CLUH: variants seen among roughly 807,000 people sequenced by gnomAD.
CLUH encodes CLUH binding protein of NUMT mRNA.
Under a neutral mutation model 139.3 loss-of-function variants are expected in CLUH, and 77 were observed. That is an observed-to-expected ratio of 0.55 (90% confidence interval 0.46 to 0.67). The LOEUF (loss-of-function observed/expected upper bound fraction) is 0.67, where lower values mean the gene tolerates loss of function less well. CLUH is among the 30% of genes least tolerant of loss of function. The pLI, the probability that CLUH is intolerant of heterozygous loss-of-function variation, is 0.00. For synonymous variants in CLUH, 999 were observed against 801.6 expected, an observed-to-expected ratio of 1.25 and a Z score of -4.16; for missense variants, 1,876 against 1,875.8, an observed-to-expected ratio of 1.00 and a Z score of 0.00.
intron 16 of CLUH, 27 bp downstream of exon 16, chr17:2,694,825 CACCCA>C: frequency 7.0e-7 from 1 of 1,430,902 alleles, no homozygotes; most frequent in Non-Finnish European, 9.3e-7. Flanking sequence ...TGCCCAATCC[CACCCA>C]CCCCACCGCC....
intron 10 of CLUH, 33 bp from the exon 11 acceptor site, chr17:2,696,975 T>G: frequency 6.8e-7 from 1 of 1,475,900 alleles, no homozygotes. Context: ...GAGCAGGAGC[T>G]GGACATCGGG....
chr17:2,695,812 G>A (rs907605266), intron 13 of CLUH: 9 of 579,262 alleles, frequency 1.6e-5, no homozygotes, highest in Non-Finnish European at 2.4e-5. Flanking sequence ...TGGAGGCCAC[G>A]GTGTTGGGGG....
rs535870713 is a variant in CLUH, at chr17:2,707,172, C to G, written c.101-2608G>C. The G allele has an allele frequency of 2.0e-6, 2 of 985,410 alleles. No homozygotes were observed. The highest frequency in any genetic ancestry group is 3.5e-5 in the African/African-American group (2 of 57,372). The allele number at this position is 985,410 out of a possible 1,614,324, so 61.0% of individuals were successfully genotyped here. On this transcript the variant is annotated intron_variant, in intron 1 of 25. Transcript: ENST00000651024. The surrounding 1 kb of genome is among the most constrained non-coding windows in gnomAD (Gnocchi z 7.4). ...CTGGCTCACCAGGTCCCGGTGCTCA[C>G]CTGGTGCAGTTGGCAGCTGCCCTCC...
chr17:2,691,934 CCCGCGGCCCCGCCCCCGCCCCGCCA>C lies in CLUH; in HGVS notation c.3654+45_3655-40del, dbSNP rs1240483365. 4.4e-6 allele frequency: 5 copies of C among 1,127,824 alleles called. No individual in the cohort carries two copies. In the African/African-American group the frequency reaches 1.0e-4, roughly 22 times the overall value. 69.9% of individuals were successfully genotyped at this position (1,127,824 alleles called of 1,614,324 possible). ...GGAAGGGATCAGGCCCCCCCGTGCC[CCCGCGGCCCCGCCCCCGCCCCGCCA>C]CGCCCCCGCCCCGCCCCCGCCCCCG... On this transcript the variant is annotated intron_variant, in intron 23 of 25. Coordinates refer to ENST00000651024, the MANE Select transcript of CLUH (RefSeq NM_001366661.1).
Position 2,694,546 on chromosome 17 carries a change from A to G in CLUH, c.2871T>C (p.Ala957=). Reference sequence around the variant, plus strand: ...TCTTCTGCAGGCCGTAGGTCTCCACAGCCTGGTCCACGGTCTCACTGAGGA... The same window carrying G: ...TCTTCTGCAGGCCGTAGGTCTCCACGGCCTGGTCCACGGTCTCACTGAGGA... ...FDLECETVDQ[A]VETYGLQKIT... Residue 957 remains alanine (A), a synonymous_variant, in exon 17 of 26, where the codon GCT becomes GCC. Transcript: ENST00000651024. 6.3e-7 allele frequency: 1 copy of G among 1,579,602 alleles called. No homozygotes were observed. The highest frequency in any genetic ancestry group is 1.2e-5 in the South Asian group (1 of 85,830).
Position 2,695,457 on chromosome 17 carries a change from G to C in CLUH, c.2461C>G (p.Arg821Gly). ...GATLAEVMRQRGINMRYLGKV... is the reference protein window; with the variant it reads ...GATLAEVMRQGGINMRYLGKV... ...CCCAGGTAGCGCATGTTGATGCCCC[G>C]CTGGCGCATCACCTCTGCCAGCGTT... Residue 821 changes from arginine (R) to glycine (G), a missense_variant, in exon 14 of 26, where the codon CGG becomes GGG. Around this residue, in one of 3 missense-constraint regions of CLUH, gnomAD observed 1,454 missense variants for 1,384.4 expected, o/e 1.05. Coordinates refer to ENST00000651024, the MANE Select transcript of CLUH (RefSeq NM_001366661.1). 1 of 1,611,534 alleles carries C rather than the reference G, an allele frequency of 6.2e-7. No homozygotes were observed. The highest frequency in any genetic ancestry group is 8.5e-7 in the Non-Finnish European group (1 of 1,179,760).
chr17:2,702,820 C>CTTTTG (rs1434754766), intron 3 of CLUH, among the ~76,000 whole-genome samples: 1 of 151,098 alleles, frequency 6.6e-6, no homozygotes, highest in Non-Finnish European at 1.5e-5. Flanking sequence ...CGGCTCTGTT[C>CTTTTG]TTTTGTTTTG....
intron 23 of CLUH, 25 bp downstream of exon 23, chr17:2,691,979 C>CCCCCGCCCCCGCCCCCG (rs752951929): frequency 2.9e-6 from 2 of 683,228 alleles, no homozygotes; most frequent in East Asian, 1.8e-4. Flanking sequence ...CCCGCCCCCG[C>CCCCCGCCCCCGCCCCCG]CCCCGCCACG....
In CLUH at chr17:2,698,233, A is replaced by C; in HGVS notation, c.1624T>G (p.Ser542Ala). ...RDQEQSVIYG[S>A]IDFGKTVVSH... ...ACCACGGTCTTGCCGAAGTCGATGG[A>C]GCCGTAGATGACGCTCTGCTCCTGG... The change falls in exon 10 of 26, where the codon TCC (serine) becomes GCC (alanine). Residue 542 changes from serine to alanine, a missense_variant. This residue lies in a region of CLUH where 1,454 missense variants were observed against 1,384.4 expected (regional missense o/e 1.05). Coordinates refer to ENST00000651024, the MANE Select transcript of CLUH (RefSeq NM_001366661.1). 1 of 1,596,366 alleles carries C rather than the reference A, an allele frequency of 6.3e-7. No homozygotes were observed. The highest frequency in any genetic ancestry group is 8.5e-7 in the Non-Finnish European group (1 of 1,172,370).
At position 2,706,733 on chromosome 17, in the gene CLUH, C is replaced by A. The variant is rs1418911728; in HGVS notation, c.101-2169G>T. Among the ~76,000 whole-genome samples, 1 of 152,118 alleles carries A rather than the reference C, an allele frequency of 6.6e-6. No homozygotes were observed. The highest frequency in any genetic ancestry group is 1.5e-5 in the Non-Finnish European group (1 of 68,020). On this transcript the variant is annotated intron_variant, in intron 1 of 25. Coordinates refer to ENST00000651024, the MANE Select transcript of CLUH (RefSeq NM_001366661.1). This position sits in a 1 kb window ranked among gnomAD's most constrained non-coding sequence, Gnocchi z 4.6. ...GGCAGCCAGGTGGAGGAACTGCCCC[C>A]ACAGGGTCCCTGAGAAAGGCTGTGC...
At position 2,696,506 on chromosome 17, in the gene CLUH, CG is replaced by C; in HGVS notation, c.2217del (p.Asn739LysfsTer44). On this transcript the variant is annotated frameshift_variant, in exon 12 of 26. Transcript: ENST00000651024. LOFTEE classifies it high-confidence loss of function. The stretch of plus-strand genomic sequence containing the variant: ...CTGATGGAGCCGACCGCCTTGCACG[CG>C]TTGCGGATCACCTCCCGGCTCCGAG... Reference protein sequence around the residue: ...ADPRSREVIRNACKAVGSISS... With the variant: ...ADPRSREVIRXACKAVGSISS... 1 of 1,586,192 alleles carries C rather than the reference CG, an allele frequency of 6.3e-7. No homozygotes were observed. Among genetic ancestry groups the C allele is most frequent in the Non-Finnish European group, 8.6e-7 (1 of 1,169,064 alleles).
rs577208270 is a variant in CLUH at position 2,708,012 on chromosome 17, G to A, written c.101-3448C>T. On this transcript the variant is annotated intron_variant, in intron 1 of 25. Transcript: ENST00000651024. ...CCAGCAGCCCCGGCTCTGCCAGGAG[G>A]GAACCAAGTCTCTCCCAGGGGAGAA... 42 of 984,916 alleles carry A rather than the reference G, an allele frequency of 4.3e-5. No homozygotes were observed. In the African/African-American group the frequency reaches 6.8e-4, roughly 16 times the overall value. The allele number at this position is 984,916 out of a possible 1,614,324, so 61.0% of individuals were successfully genotyped here.
intron 1 of CLUH, chr17:2,708,041 A>AGCTGGCAGCAAGAGGCC: frequency 1.0e-6 from 1 of 980,200 alleles, no homozygotes; most frequent in Non-Finnish European, 1.2e-6. Context: ...GGGAGAACAG[A>AGCTGGCAGCAAGAGGCC]GCTGGCAGCA....
At chr17:2,705,917 C>T (rs1285470489) in intron 1 of CLUH, among the ~76,000 whole-genome samples, 1 of 152,144 alleles carries the variant, frequency 6.6e-6, no homozygotes, top group African/African-American at 2.4e-5. Flanking sequence ...TCTCAGTAAC[C>T]CTCCAGCAGA....
At position 2,696,705 on chromosome 17, in the gene CLUH, T is replaced by G; in HGVS notation, c.2185+14A>C. On this transcript the variant is annotated intron_variant, in intron 11 of 25. Transcript: ENST00000651024. ...CAGCCCGGGCTCTCTCCCGGCCATC[T>G]GCAGCAGCCCCACCTGTGCCGTCGT... is the stretch of plus-strand genomic sequence containing the variant. The G allele has an allele frequency of 6.2e-7, 1 of 1,610,812 alleles. No homozygotes were observed. The highest frequency in any genetic ancestry group is 8.5e-7 in the Non-Finnish European group (1 of 1,179,182).
chr17:2,700,590 C>T, intron 8 of CLUH, 88 bp downstream of exon 8: 1 of 1,533,194 alleles, frequency 6.5e-7, no homozygotes, highest in Non-Finnish European at 8.8e-7. Context: ...TGAAGTCAAG[C>T]ATGGGGCCTC....
Position 2,690,441 on chromosome 17 carries a change from G to GCAGT in CLUH, c.*152_*153insACTG. ...AAAACACCTTCTGCGGGGCAGGCAGGCCAGGCTCCCAGGAGGACACGGGGG... is the reference window on the plus strand; with the variant it reads ...AAAACACCTTCTGCGGGGCAGGCAGGCAGTCCAGGCTCCCAGGAGGACACGGGGG... On this transcript the variant is annotated 3_prime_UTR_variant, in exon 26 of 26. Transcript: ENST00000651024. 1 of 598,812 alleles carries GCAGT rather than the reference G, an allele frequency of 1.7e-6. No homozygotes were observed. The allele number at this position is 598,812 out of a possible 1,614,324, so 37.1% of individuals were successfully genotyped here. A position where few individuals can be genotyped will look rare whatever the true frequency, so the allele number is the denominator to read the frequency against.
intron 15 of CLUH, 58 bp from the exon 16 acceptor site, chr17:2,695,159 C>G: frequency 1.2e-6 from 2 of 1,613,544 alleles, no homozygotes; most frequent in South Asian, 1.1e-5. Context: ...CAGGCTCTTT[C>G]CCGACGCCCC....
rs2069546190 is a variant in CLUH at position 2,689,686 on chromosome 17, AC to A, written c.*907del. 1 of 152,680 alleles carries A rather than the reference AC, an allele frequency of 6.5e-6. No individual in the cohort carries two copies. Among genetic ancestry groups the A allele is most frequent in the Non-Finnish European group, 1.5e-5 (1 of 68,272 alleles). The allele number at this position is 152,680 out of a possible 1,614,324, so 9.5% of individuals were successfully genotyped here. On this transcript the variant is annotated 3_prime_UTR_variant, in exon 26 of 26. Transcript: ENST00000651024. ...GGAGCAGCGTGTGGGGGCCCCCGCCACCCCCAGAGCTAGTCTCAGACCAGGA... is the reference window on the plus strand; with the variant it reads ...GGAGCAGCGTGTGGGGGCCCCCGCCACCCCAGAGCTAGTCTCAGACCAGGA...
Sources: gnomAD v4.1 joint callset for allele counts (sites outside exome capture counted in the v4.1 genomes callset) on GRCh38, gnomAD v4.1.1 for gene constraint, gnomAD v4.1.1 regional missense constraint, Gnocchi (gnomAD v3.1) non-coding constraint, MANE v1.5 for transcripts, NCBI Gene and HGNC (gene_info 2026-07-23, HGNC 2026-07-21) for gene names.